Variants in LATS2 observed in about 807,000 individuals in gnomAD.
LATS2 encodes the protein serine/threonine-protein kinase LATS2.
LATS2 carries 24 observed loss-of-function variants against 76.0 expected under a neutral mutation model. The observed-to-expected ratio is 0.32, with a 90% confidence interval of 0.23 to 0.44. LATS2 has a LOEUF of 0.44. LATS2 is among the 20% of genes least tolerant of loss of function. The pLI is 1.00. For synonymous variants in LATS2, 692 were observed against 635.4 expected, an observed-to-expected ratio of 1.09 and a Z score of -1.34; for missense variants, 1,286 against 1,481.2, an observed-to-expected ratio of 0.87 and a Z score of 2.16.
intron 2 of LATS2, among the ~76,000 whole-genome samples, chr13:21,032,747 T>C (rs1183976535): frequency 6.6e-6 from 1 of 152,032 alleles, no homozygotes; most frequent in Non-Finnish European, 1.5e-5. Flanking sequence ...AAATGGGAAT[T>C]CAGAAAAGAA....
intron 2 of LATS2, among the ~76,000 whole-genome samples, chr13:21,027,182 T>C (rs1872340851): frequency 6.6e-6 from 1 of 152,256 alleles, no homozygotes; most frequent in South Asian, 2.1e-4. Flanking sequence ...GTTGTTTTAA[T>C]GTCCTCTAAA....
chr13:20,989,206 C>G lies in LATS2; in HGVS notation c.574G>C (p.Glu192Gln), dbSNP rs762240840. The G allele has an allele frequency of 6.2e-7, 1 of 1,613,644 alleles. No individual in the cohort carries two copies. Among genetic ancestry groups the G allele is most frequent in the Non-Finnish European group, 8.5e-7 (1 of 1,180,006 alleles). Residue 192 changes from glutamate to glutamine, a missense_variant, in exon 4 of 8, where the codon GAG (glutamate) becomes CAG (glutamine). Glu to Gln is a conservative substitution (Grantham distance 29). This residue lies in a region of LATS2 where 710 missense variants were observed against 660.9 expected (regional missense o/e 1.07). Coordinates refer to ENST00000382592, the MANE Select transcript of LATS2 (RefSeq NM_014572.3). Reference protein sequence around the residue: ...SYHQLSGTPYEGPSFGADGPT... With the variant: ...SYHQLSGTPYQGPSFGADGPT... Reference sequence around the variant, plus strand: ...CCGTCAGCGCCGAAGCTTGGGCCCTCGTAGGGGGTACCGCTCAGCTGGTGG... The same window carrying G: ...CCGTCAGCGCCGAAGCTTGGGCCCTGGTAGGGGGTACCGCTCAGCTGGTGG...
chr13:20,993,710 AGGGAAG>A (rs1870612582), intron 2 of LATS2, among the ~76,000 whole-genome samples: 1 of 152,164 alleles, frequency 6.6e-6, no homozygotes, highest in Admixed American at 6.5e-5. Context: ...GTGGTTCAGA[AGGGAAG>A]TGCTTCCTGA....
rs1418724711 is a variant in LATS2 at position 21,007,700 on chromosome 13, G to GTGTGTATATA, written c.343-16297_343-16296insTATATACACA. Among the ~76,000 whole-genome samples the GTGTGTATATA allele has an allele frequency of 1.2e-3, 2 of 1,698 alleles. 1 individual carries two copies. The highest frequency in any genetic ancestry group is 1.7e-3 in the Non-Finnish European group (2 of 1,148). 1.1% of individuals were successfully genotyped at this position (1,698 alleles called of 152,430 possible). A position where few individuals can be genotyped will look rare whatever the true frequency, so the allele number is the denominator to read the frequency against. ...TATATATAGTATATATATATATATA[G>GTGTGTATATA]TATGTATATATATATATATATAGTA... On this transcript the variant is annotated intron_variant, in intron 2 of 7. Coordinates refer to ENST00000382592, the MANE Select transcript of LATS2 (RefSeq NM_014572.3).
Position 20,973,664 on chromosome 13 carries a change from T to C in LATS2, c.*1206A>G. The stretch of plus-strand genomic sequence containing the variant: ...TGTATTGTTTAAACCAAGTTAAGAT[T>C]TGATACTTCAAAGTACACTAAAAGA... On this transcript the variant is annotated 3_prime_UTR_variant, in exon 8 of 8. Transcript: ENST00000382592. The C allele has an allele frequency of 4.3e-6, 1 of 231,236 alleles. No individual in the cohort carries two copies. The highest frequency in any genetic ancestry group is 8.6e-6 in the Non-Finnish European group (1 of 116,610). 14.3% of individuals were successfully genotyped at this position (231,236 alleles called of 1,614,324 possible).
chr13:21,043,997 C>T (rs1020772376), intron 2 of LATS2, among the ~76,000 whole-genome samples: 2 of 152,198 alleles, frequency 1.3e-5, no homozygotes, highest in Non-Finnish European at 1.5e-5. Flanking sequence ...GGGTTCTGTA[C>T]GTCAAGGGAT....
intron 2 of LATS2, among the ~76,000 whole-genome samples, chr13:21,040,855 G>A (rs1339177063): frequency 6.6e-6 from 1 of 152,164 alleles, no homozygotes; most frequent in Non-Finnish European, 1.5e-5. Context: ...CCCCTATGAG[G>A]ATGGAAATGA....
intron 3 of LATS2, among the ~76,000 whole-genome samples, chr13:20,990,460 G>GAT (rs1870456354): frequency 1.3e-5 from 1 of 74,554 alleles, no homozygotes; most frequent in Non-Finnish European, 2.8e-5. Flanking sequence ...TAATTACTAG[G>GAT]ATTTTTTTTT....
intron 2 of LATS2, among the ~76,000 whole-genome samples, chr13:21,006,143 A>G (rs2138327769): frequency 6.6e-6 from 1 of 152,222 alleles, no homozygotes; most frequent in South Asian, 2.1e-4. Context: ...ATCTCAAAAA[A>G]AAAGAAAGAA....
intron 2 of LATS2, among the ~76,000 whole-genome samples, chr13:21,032,836 C>T (rs1434818360): frequency 6.6e-6 from 1 of 152,116 alleles, no homozygotes; most frequent in Non-Finnish European, 1.5e-5. Context: ...GAAGGGTGGA[C>T]CACGGCTGGC....
chr13:20,990,461 A>AT (rs35074574), intron 3 of LATS2, among the ~76,000 whole-genome samples: 35,374 of 93,894 alleles, frequency 0.38, 9,439 homozygotes, highest in Non-Finnish European at 0.48. Flanking sequence ...AATTACTAGG[A>AT]TTTTTTTTTT....
intron 2 of LATS2, among the ~76,000 whole-genome samples, chr13:20,992,112 A>G (rs2138298323): frequency 6.6e-6 from 1 of 152,284 alleles, no homozygotes; most frequent in Middle Eastern, 3.4e-3. Flanking sequence ...CACCCGAAAG[A>G]TGAGGTGGTG....
chr13:20,976,858 C>A (rs1869647676), intron 7 of LATS2, among the ~76,000 whole-genome samples: 3 of 152,112 alleles, frequency 2.0e-5, no homozygotes, highest in Non-Finnish European at 2.9e-5. Context: ...TAAAATGGTG[C>A]AGCCACTATG....
intron 1 of LATS2, among the ~76,000 whole-genome samples, chr13:21,060,861 G>A (rs538568719): frequency 4.2e-4 from 63 of 151,562 alleles, no homozygotes; most frequent in African/African-American, 1.5e-3. Context: ...CGGACCGGGG[G>A]TCCCGAGGCT....
chr13:20,984,117 A>G (rs1870036998), intron 4 of LATS2, among the ~76,000 whole-genome samples: 1 of 152,310 alleles, frequency 6.6e-6, no homozygotes, highest in East Asian at 1.9e-4. Context: ...TATTTTTAGT[A>G]GAAACAGCGT....
At chr13:21,026,830 C>T (rs925922602) in intron 2 of LATS2, among the ~76,000 whole-genome samples, 51 of 152,190 alleles carry the variant, frequency 3.4e-4, no homozygotes, top group Non-Finnish European at 1.0e-4. Context: ...AACTGCTTTA[C>T]AATTCTATGT....
At chr13:21,046,282 A>G in intron 1 of LATS2, 52 bp from the exon 2 acceptor site, 3 of 396,052 alleles carry the variant, frequency 7.6e-6, no homozygotes, top group Non-Finnish European at 1.4e-5. Flanking sequence ...TTTTCACGCA[A>G]CGTTAATGCT....
chr13:20,990,590 ACAAAG>A (rs1056550992), intron 3 of LATS2, among the ~76,000 whole-genome samples: 1 of 151,646 alleles, frequency 6.6e-6, no homozygotes, highest in African/African-American at 2.4e-5. Context: ...ACAAAACAAA[ACAAAG>A]CAAAACAAAA....
At chr13:20,989,705 C>T (rs1004169476) in intron 3 of LATS2, among the ~76,000 whole-genome samples, 6 of 152,154 alleles carry the variant, frequency 3.9e-5, no homozygotes, top group Non-Finnish European at 7.3e-5. Context: ...CTGAGTTTAC[C>T]GACACACGGT....
Sources: allele counts gnomAD v4.1 joint callset (sites outside exome capture counted in the v4.1 genomes callset), GRCh38; gene constraint gnomAD v4.1.1; regional missense constraint gnomAD v4.1.1; transcripts MANE v1.5; gene names NCBI Gene and HGNC (gene_info 2026-07-23, HGNC 2026-07-21).